DUSP26: variants seen among roughly 807,000 people sequenced by gnomAD.
DUSP26 encodes dual specificity protein phosphatase 26.
In DUSP26, 12 loss-of-function variants were observed where a neutral mutation model predicts 20.0. The observed-to-expected ratio is 0.60, with a 90% confidence interval of 0.38 to 0.97. The LOEUF is 0.97. Among genes scored for constraint, DUSP26 ranks in the 50% least tolerant of loss-of-function variants. The pLI, the probability that DUSP26 is intolerant of heterozygous loss-of-function variation, is 0.00. For synonymous variants in DUSP26, 120 were observed against 118.8 expected (o/e 1.01, Z -0.06); for missense variants, 230 against 294.0 (o/e 0.78, Z 1.59).
intron 1 of DUSP26, 143 bp from the exon 2 acceptor site, chr8:33,597,734 C>G (rs59754886): frequency 0.033 from 15,914 of 487,590 alleles, 483 homozygotes; most frequent in East Asian, 0.11. Flanking sequence ...GTGGCTTTTT[C>G]TTCAAGCTGC....
chr8:33,593,569 C>T lies in DUSP26; in HGVS notation c.400G>A (p.Ala134Thr), dbSNP rs757886243. Residue 134 changes from alanine to threonine, a missense_variant, in exon 3 of 4, where the codon GCC (alanine) becomes ACC (threonine). Coordinates refer to ENST00000256261, the MANE Select transcript of DUSP26 (RefSeq NM_024025.3). ...CTCAGCGCCCGGTGGATGAAGTCGG[C>T]AGCCGTCTGGAAGTGGATGCTCATG... ...FDMSIHFQTA[A>T]DFIHRALSQP... is the part of the protein sequence containing the mutation. 6.2e-7 allele frequency: 1 copy of T among 1,614,050 alleles called. No individual in the cohort carries two copies. The highest frequency in any genetic ancestry group is 1.1e-5 in the South Asian group (1 of 91,084).
rs369149153 is a variant in DUSP26 at position 33,592,026 on chromosome 8, C to T, written c.623G>A (p.Gly208Asp). ...CTCCCCCTCCCCTCATGCTTCCAGA[C>T]CCTGCCGCAGCCTGCGGTCCAGGGC... is the stretch of plus-strand genomic sequence containing the variant. ...LLALDRRLRQ[G>D]LEA The change falls in exon 4 of 4, where the codon GGT becomes GAT. Residue 208 changes from glycine to aspartate, a missense_variant. Transcript: ENST00000256261. 1.2e-6 allele frequency: 2 copies of T among 1,613,732 alleles called. No individual in the cohort carries two copies. The highest frequency in any genetic ancestry group is 1.7e-6 in the Non-Finnish European group (2 of 1,180,026).
At chr8:33,593,201 G>T (rs184177148) in intron 3 of DUSP26, among the ~76,000 whole-genome samples, 1 of 152,118 alleles carries the variant, frequency 6.6e-6, no homozygotes, top group South Asian at 2.1e-4. Flanking sequence ...GAACCTGGGA[G>T]GCGGAGGTTA....
chr8:33,591,974 C>T lies in DUSP26; in HGVS notation c.*39G>A, dbSNP rs369870564. ...CCTATCTCCAGCTGGGAGCCAGGGACCTACCCACGGGCCTGGCCTGACCTC... is the reference window on the plus strand; with the variant it reads ...CCTATCTCCAGCTGGGAGCCAGGGATCTACCCACGGGCCTGGCCTGACCTC... On this transcript the variant is annotated 3_prime_UTR_variant, in exon 4 of 4. Transcript: ENST00000256261. The T allele has an allele frequency of 6.2e-7, 1 of 1,607,630 alleles. No individual in the cohort carries two copies. The highest frequency in any genetic ancestry group is 1.1e-5 in the South Asian group (1 of 90,846).
At position 33,599,896 on chromosome 8, in the gene DUSP26, C is replaced by T. The variant is rs1251380572; in HGVS notation, c.-308G>A. 1 of 152,240 alleles carries T rather than the reference C, an allele frequency of 6.6e-6. No homozygotes were observed. Among genetic ancestry groups the T allele is most frequent in the East Asian group, 1.9e-4 (1 of 5,186 alleles). 9.4% of individuals were successfully genotyped at this position (152,240 alleles called of 1,614,324 possible). On this transcript the variant is annotated 5_prime_UTR_variant, in exon 1 of 4. Coordinates refer to ENST00000256261, the MANE Select transcript of DUSP26 (RefSeq NM_024025.3). ...TCTCACATTCGGTGGCCCGAGTCGC[C>T]AGGCAGCGTGGGCTCCCCAGCCAAC...
At position 33,597,527 on chromosome 8, in the gene DUSP26, C is replaced by G. The variant is rs1404687292; in HGVS notation, c.-12G>C. The G allele has an allele frequency of 3.8e-6, 6 of 1,596,414 alleles. No homozygotes were observed. The highest frequency in any genetic ancestry group is 4.3e-6 in the Non-Finnish European group (5 of 1,171,358). ...TTACCAGGGCACATCTTAGAGGTGG[C>G]AGAAACCGTGGCAGCTGCAGGAGTG... On this transcript the variant is annotated 5_prime_UTR_variant, in exon 2 of 4. Coordinates refer to ENST00000256261, the MANE Select transcript of DUSP26 (RefSeq NM_024025.3).
At chr8:33,597,882 TAC>T (rs150976098) in intron 1 of DUSP26, 490 of 152,598 alleles carry the variant, frequency 3.2e-3, no homozygotes, top group Middle Eastern at 5.7e-3. Flanking sequence ...CCAGCACGCA[TAC>T]ACACACACAC....
chr8:33,597,074 C>T (rs1004853087), intron 2 of DUSP26, among the ~76,000 whole-genome samples: 1 of 152,228 alleles, frequency 6.6e-6, no homozygotes, highest in Admixed American at 6.5e-5. Context: ...GCTGGGATCA[C>T]AGGCAAGAGA....
chr8:33,593,382 A>T, intron 3 of DUSP26, 151 bp downstream of exon 3: 2 of 916,014 alleles, frequency 2.2e-6, no homozygotes, highest in Non-Finnish European at 3.2e-6. Flanking sequence ...GTATTGCTTT[A>T]AAAAAATGGT....
Position 33,592,214 on chromosome 8 carries a change from T to A in DUSP26, c.437-2A>T. 6.3e-7 allele frequency: 1 copy of A among 1,599,660 alleles called. No homozygotes were observed. Among genetic ancestry groups the A allele is most frequent in the Non-Finnish European group, 8.5e-7 (1 of 1,173,438 alleles). On this transcript the variant is annotated splice_acceptor_variant, in intron 3 of 3. Transcript: ENST00000256261. LOFTEE classifies it high-confidence loss of function. ...CAGCACAATGCACCAGGATCTTCCCTGAGAGGAGAGACACAGAGAGAGCTT... is the reference window on the plus strand; with the variant it reads ...CAGCACAATGCACCAGGATCTTCCCAGAGAGGAGAGACACAGAGAGAGCTT...
In DUSP26 at chr8:33,597,771, G is replaced by T. The variant is rs1251312161; in HGVS notation, c.-76-180C>A. ...GCAGCTCCTTTTGCTCAGCTCTTTG[G>T]CTCTGCCACGAAACGAGGTGGGAGA... is the stretch of plus-strand genomic sequence containing the variant. On this transcript the variant is annotated intron_variant, in intron 1 of 3. Coordinates refer to ENST00000256261, the MANE Select transcript of DUSP26 (RefSeq NM_024025.3). 1.4e-5 allele frequency: 6 copies of T among 435,480 alleles called. No homozygotes were observed. The Admixed American group carries it at 1.9e-4, about 14-fold the overall frequency. 27.0% of individuals were successfully genotyped at this position (435,480 alleles called of 1,614,324 possible).
chr8:33,592,953 C>T (rs1245875016), intron 3 of DUSP26, among the ~76,000 whole-genome samples: 1 of 152,188 alleles, frequency 6.6e-6, no homozygotes, highest in African/African-American at 2.4e-5. Context: ...TAGCTCACTA[C>T]AACCTCTAAT....
Position 33,593,573 on chromosome 8 carries a change from C to T in DUSP26, c.396G>A (p.Thr132=), listed in dbSNP as rs114385466. 1.1e-3 allele frequency: 1,730 copies of T among 1,614,030 alleles called. 10 individuals carry two copies. The African/African-American group carries it at 0.011, about 11-fold the overall frequency. The change falls in exon 3 of 4, where the codon ACG becomes ACA. Residue 132 remains threonine, a synonymous_variant. Transcript: ENST00000256261. ...PAFDMSIHFQ[T]AADFIHRALS... The stretch of plus-strand genomic sequence containing the variant: ...GCGCCCGGTGGATGAAGTCGGCAGC[C>T]GTCTGGAAGTGGATGCTCATGTCAA...
intron 1 of DUSP26, 160 bp from the exon 2 acceptor site, chr8:33,597,751 T>A (rs867356901): frequency 2.1e-6 from 1 of 473,498 alleles, no homozygotes; most frequent in Non-Finnish European, 3.8e-6. Context: ...CTGCAGCAGC[T>A]CCTTTTGCTC....
At chr8:33,595,936 G>A (rs774248530) in intron 2 of DUSP26, among the ~76,000 whole-genome samples, 2 of 152,172 alleles carry the variant, frequency 1.3e-5, no homozygotes. Flanking sequence ...CAGGGAGAGT[G>A]ATACCTATCT....
rs950825479 is a variant in DUSP26, at chr8:33,593,705, G to C, written c.264C>G (p.Ile88Met). The C allele has an allele frequency of 9.3e-6, 15 of 1,614,104 alleles. No homozygotes were observed. Among genetic ancestry groups the C allele is most frequent in the Non-Finnish European group, 1.3e-5 (15 of 1,180,042 alleles). Reference protein sequence around the residue: ...NNRRELRRLGITHVLNASHSR... With the variant: ...NNRRELRRLGMTHVLNASHSR... ...TGTGTGAGGCATTGAGGACGTGCGT[G>C]ATGCCCAGGCGGCGAAGCTCCCGGC... The change falls in exon 3 of 4, where the codon ATC becomes ATG. Residue 88 changes from isoleucine (I) to methionine (M), a missense_variant. By Grantham distance (10) the Ile-to-Met change is conservative. Coordinates refer to ENST00000256261, the MANE Select transcript of DUSP26 (RefSeq NM_024025.3).
intron 1 of DUSP26, among the ~76,000 whole-genome samples, chr8:33,598,379 G>A (rs1811199072): frequency 6.6e-6 from 1 of 151,424 alleles, no homozygotes; most frequent in African/African-American, 2.4e-5. Context: ...ATCTAAGCAG[G>A]GTTGGAGTGT....
rs745976867 is a variant in DUSP26, at chr8:33,593,731, G to T, written c.238C>A (p.Arg80Ser). 3 of 1,614,062 alleles carry T rather than the reference G, an allele frequency of 1.9e-6. No individual in the cohort carries two copies. The South Asian group carries it at 3.3e-5, about 18-fold the overall frequency. The change falls in exon 3 of 4, where the codon CGC (arginine) becomes AGC (serine). Residue 80 changes from arginine (R) to serine (S), a missense_variant. Arg to Ser is a moderately radical substitution (Grantham distance 110, BLOSUM62 -1). Transcript: ENST00000256261. ...YLGDQDMANN[R>S]RELRRLGITH... ...ATGCCCAGGCGGCGAAGCTCCCGGC[G>T]GTTGTTAGCCATGTCCCTGCATTGA...
intron 3 of DUSP26, 25 bp downstream of exon 3, chr8:33,593,508 C>T (rs2044162): frequency 0.41 from 659,982 of 1,603,648 alleles, 141,026 homozygotes; most frequent in Admixed American, 0.57. Flanking sequence ...CCTGTTCTTT[C>T]CTGCTCCCAG....
Sources: gnomAD v4.1 joint callset for allele counts (sites outside exome capture counted in the v4.1 genomes callset) on GRCh38, gnomAD v4.1.1 for gene constraint, MANE v1.5 for transcripts, NCBI Gene and HGNC (gene_info 2026-07-23, HGNC 2026-07-21) for gene names.